SLC25A26: variants seen among roughly 807,000 people sequenced by gnomAD.
The protein encoded by SLC25A26 is mitochondrial S-adenosylmethionine carrier protein.
SLC25A26 carries 36 observed loss-of-function variants against 37.8 expected under a neutral mutation model. The ratio of observed to expected loss-of-function variants is 0.95; its 90% CI spans 0.73 to 1.26. The LOEUF is 1.26. Among genes scored for constraint, SLC25A26 ranks in the 50% most tolerant of loss-of-function variants. SLC25A26 has a pLI of 0.00. For missense variants in SLC25A26, 390 were observed against 331.1 expected, an observed-to-expected ratio of 1.18 and a Z score of -1.38; for synonymous variants, 129 against 122.5, an observed-to-expected ratio of 1.05 and a Z score of -0.35.
At chr3:66,185,190 T>C (rs1270240269) in intron 1 of SLC25A26, among the ~76,000 whole-genome samples, 1 of 152,224 alleles carries the variant, frequency 6.6e-6, no homozygotes, top group African/African-American at 2.4e-5. Flanking sequence ...TCTAAGTATA[T>C]AGGTGGAATC....
chr3:66,159,765 G>A (rs772836537), intron 1 of SLC25A26, among the ~76,000 whole-genome samples: 1 of 152,132 alleles, frequency 6.6e-6, no homozygotes, highest in Non-Finnish European at 1.5e-5. Context: ...GAACAGCAAA[G>A]CCTATAGTAA....
At chr3:66,272,540 G>A (rs939861829) in intron 5 of SLC25A26, among the ~76,000 whole-genome samples, 9 of 152,072 alleles carry the variant, frequency 5.9e-5, no homozygotes, top group Non-Finnish European at 7.4e-5. Context: ...ACTGTGGCTT[G>A]TAAGTGCATA....
chr3:66,166,697 A>G (rs994185577), intron 1 of SLC25A26, among the ~76,000 whole-genome samples: 1 of 152,112 alleles, frequency 6.6e-6, no homozygotes, highest in African/African-American at 2.4e-5. Context: ...TCCCTTTTCC[A>G]TTGCTGAGTG....
At chr3:66,325,028 G>T (rs1255813223) in intron 5 of SLC25A26, among the ~76,000 whole-genome samples, 1 of 152,062 alleles carries the variant, frequency 6.6e-6, no homozygotes, top group Non-Finnish European at 1.5e-5. Context: ...ATCTTATTAG[G>T]GGGTGGAGAG....
intron 1 of SLC25A26, among the ~76,000 whole-genome samples, chr3:66,161,979 A>T (rs879233843): frequency 2.6e-5 from 4 of 152,218 alleles, no homozygotes; most frequent in Non-Finnish European, 4.4e-5. Context: ...AGAGCATGTT[A>T]GTATGCTTGG....
intron 1 of SLC25A26, among the ~76,000 whole-genome samples, chr3:66,195,645 T>A (rs1159409897): frequency 6.6e-6 from 1 of 152,348 alleles, no homozygotes; most frequent in African/African-American, 2.4e-5. Context: ...GGCGTCTCCA[T>A]CTTCTGGTTG....
chr3:66,283,701 G>C (rs1337610335), intron 5 of SLC25A26, among the ~76,000 whole-genome samples: 1 of 152,010 alleles, frequency 6.6e-6, no homozygotes, highest in Non-Finnish European at 1.5e-5. Flanking sequence ...ACCCCATAAT[G>C]GTTTTATTTA....
chr3:66,228,162 G>A (rs36189466), intron 1 of SLC25A26, among the ~76,000 whole-genome samples: 40,965 of 152,126 alleles, frequency 0.27, 6,353 homozygotes, highest in African/African-American at 0.43. Flanking sequence ...TGCTCAGCCC[G>A]TGGAGCATGC....
At chr3:66,220,343 G>T (rs1553657793), upstream of SLC25A26, among the ~76,000 whole-genome samples, 1 of 152,262 alleles carries the variant, frequency 6.6e-6, no homozygotes, top group East Asian at 1.9e-4. Flanking sequence ...CAAGGTATTT[G>T]TTTGTTTAAT....
intron 1 of SLC25A26, among the ~76,000 whole-genome samples, chr3:66,158,605 C>T (rs2070315907): frequency 6.6e-6 from 1 of 152,160 alleles, no homozygotes; most frequent in South Asian, 2.1e-4. Flanking sequence ...ATAGCCTCGC[C>T]AACACTTGCT....
chr3:66,378,233 T>G lies in SLC25A26; in HGVS notation c.*426T>G, dbSNP rs758571503. The G allele has an allele frequency of 5.2e-5, 8 of 154,930 alleles. No individual in the cohort carries two copies. 9.6% of individuals were successfully genotyped at this position (154,930 alleles called of 1,614,324 possible). On this transcript the variant is annotated 3_prime_UTR_variant, in exon 10 of 10. Transcript: ENST00000354883. ...AAAGGAGACTTGGGGAAGAGTTGTG[T>G]ATGTGGGTGTTTCTCCCCCTAGTTA...
intron 5 of SLC25A26, among the ~76,000 whole-genome samples, chr3:66,269,910 C>G (rs904331358): frequency 5.9e-5 from 9 of 152,296 alleles, no homozygotes; most frequent in African/African-American, 1.7e-4. Context: ...AAAACAGCCA[C>G]TGGGTTTTTA....
At chr3:66,247,565 C>A (rs1188962908) in intron 3 of SLC25A26, among the ~76,000 whole-genome samples, 1 of 152,180 alleles carries the variant, frequency 6.6e-6, no homozygotes, top group Non-Finnish European at 1.5e-5. Flanking sequence ...TCCACTGTGG[C>A]CTTCCAAAGT....
chr3:66,143,228 CTATT>C (rs540722464), intron 1 of SLC25A26, among the ~76,000 whole-genome samples: 385 of 151,666 alleles, frequency 2.5e-3, no homozygotes, highest in African/African-American at 8.9e-3. Context: ...ATTTGTCTAT[CTATT>C]CATTTGTTGA....
intron 5 of SLC25A26, among the ~76,000 whole-genome samples, chr3:66,311,283 G>A (rs965814407): frequency 6.6e-6 from 1 of 151,784 alleles, no homozygotes; most frequent in Non-Finnish European, 1.5e-5. Flanking sequence ...GATCGATTCG[G>A]CTATTGATAC....
chr3:66,196,126 C>A (rs1470615742), intron 1 of SLC25A26, among the ~76,000 whole-genome samples: 39,205 of 151,508 alleles, frequency 0.26, 5,426 homozygotes, highest in Admixed American at 0.38. Context: ...TAATTACTAT[C>A]TTTAAGTAAG....
intron 5 of SLC25A26, among the ~76,000 whole-genome samples, chr3:66,331,404 A>T (rs752743848): frequency 1.4e-4 from 21 of 152,110 alleles, no homozygotes; most frequent in Non-Finnish European, 2.6e-4. Context: ...TTGTTACTTA[A>T]TACCCTTTAA....
At chr3:66,194,839 G>A (rs2071016318) in intron 1 of SLC25A26, among the ~76,000 whole-genome samples, 1 of 152,224 alleles carries the variant, frequency 6.6e-6, no homozygotes, top group Non-Finnish European at 1.5e-5. Context: ...GACCCCAGGT[G>A]ATCCGCCCTC....
At chr3:66,322,822 T>C (rs763797222) in intron 5 of SLC25A26, among the ~76,000 whole-genome samples, 10 of 152,224 alleles carry the variant, frequency 6.6e-5, no homozygotes, top group Non-Finnish European at 1.3e-4. Flanking sequence ...GTGCCTGATA[T>C]TGAAGACCAC....
Sources: allele counts gnomAD v4.1 joint callset (sites outside exome capture counted in the v4.1 genomes callset), GRCh38; gene constraint gnomAD v4.1.1; transcripts MANE v1.5; gene names NCBI Gene and HGNC (gene_info 2026-07-23, HGNC 2026-07-21).